The following CRAMP1 variants were observed in gnomAD, a reference collection of about 807,000 sequenced individuals.
CRAMP1 encodes cramped chromatin regulator 1.
A neutral mutation model predicts 115.4 loss-of-function variants in CRAMP1; 50 were observed. The observed-to-expected ratio is 0.43, with a 90% CI of 0.35 to 0.55. The LOEUF (loss-of-function observed/expected upper bound fraction) is 0.55. Among genes scored for constraint, CRAMP1 ranks in the 20% least tolerant of loss-of-function variants. The probability of loss-of-function intolerance (pLI) is 0.01; values close to 1 mark genes in which losing one functional copy is unlikely to be tolerated. For missense variants in CRAMP1, 1,679 were observed against 1,721.7 expected, an observed-to-expected ratio of 0.98 and a Z score of 0.44; for synonymous variants, 866 against 745.4, an observed-to-expected ratio of 1.16 and a Z score of -2.64.
chr16:1,667,284 G>A (rs2036883882), intron 16 of CRAMP1, 51 bp from the exon 17 acceptor site: 1 of 1,470,530 alleles, frequency 6.8e-7, no homozygotes, highest in Admixed American at 1.7e-5. Flanking sequence ...TGAGGGTATG[G>A]GTGGCATCTG....
At position 1,614,351 on chromosome 16, in the gene CRAMP1, C is replaced by T. The variant is rs1440739705; in HGVS notation, c.-1-288C>T. Among the ~76,000 whole-genome samples the T allele has an allele frequency of 7.8e-6, 1 of 129,012 alleles. No individual in the cohort carries two copies. Among genetic ancestry groups the T allele is most frequent in the Non-Finnish European group, 1.7e-5 (1 of 59,078 alleles). 84.6% of individuals were successfully genotyped at this position (129,012 alleles called of 152,430 possible). A position where few individuals can be genotyped will look rare whatever the true frequency, so the allele number is the denominator to read the frequency against. On this transcript the variant is annotated intron_variant, in intron 1 of 20. Coordinates refer to ENST00000397412, the MANE Select transcript of CRAMP1 (RefSeq NM_020825.4). The surrounding 1 kb of genome is among the most constrained non-coding windows in gnomAD (Gnocchi z 4.4). ...GGGGCCGGGGCCGGGCAGGGTCCGC[C>T]GAGCTGTCGCGCCCTCCCGCCGCCG... is the stretch of plus-strand genomic sequence containing the variant.
At chr16:1,655,850 T>C (rs1274754814) in intron 9 of CRAMP1, 27 bp from the exon 10 acceptor site, 12 of 1,588,314 alleles carry the variant, frequency 7.6e-6, no homozygotes, top group South Asian at 1.2e-5. Context: ...TGCTAGCCAG[T>C]GTGGGCCTTC....
chr16:1,617,127 A>G (rs1242326747), intron 2 of CRAMP1, among the ~76,000 whole-genome samples: 3 of 152,212 alleles, frequency 2.0e-5, no homozygotes, highest in Non-Finnish European at 4.4e-5. Flanking sequence ...CCTGGCCACA[A>G]GCAAATATAT....
intron 2 of CRAMP1, among the ~76,000 whole-genome samples, chr16:1,615,439 C>A (rs2036410773): frequency 1.3e-5 from 2 of 152,116 alleles, no homozygotes; most frequent in South Asian, 4.1e-4. Flanking sequence ...AGAAAGGATC[C>A]TTGGGGTCTG....
chr16:1,624,275 G>A (rs1367902677), intron 2 of CRAMP1, among the ~76,000 whole-genome samples: 2 of 151,818 alleles, frequency 1.3e-5, no homozygotes, highest in African/African-American at 4.8e-5. Flanking sequence ...CACCGGGTGA[G>A]GCACTGAGCC....
At position 1,662,559 on chromosome 16, in the gene CRAMP1, G is replaced by T. The variant is rs747335674; in HGVS notation, c.2483G>T (p.Gly828Val). The T allele has an allele frequency of 1.9e-5, 31 of 1,613,960 alleles. No homozygotes were observed. Among genetic ancestry groups the T allele is most frequent in the Non-Finnish European group, 1.0e-5 (12 of 1,179,862 alleles). Residue 828 changes from glycine (G) to valine (V), a missense_variant, in exon 12 of 21, where the codon GGA becomes GTA. This residue lies in a region of CRAMP1 where 709 missense variants were observed against 741.9 expected (regional missense o/e 0.96). Transcript: ENST00000397412. ...AGCACAGGAAGCAATGACTCAGATG[G>T]AGGCCTTTTTGCTGTCCCGACAACC... is the stretch of plus-strand genomic sequence containing the variant. ...PSSTGSNDSDGGLFAVPTTLP... is the reference protein window; with the variant it reads ...PSSTGSNDSDVGLFAVPTTLP...
In CRAMP1 at chr16:1,668,231, A is replaced by G. The variant is rs771579905; in HGVS notation, c.3334+38A>G. ...CGGCCTCACAGCCCTTCCTGTCATC[A>G]GGTGTTGATCTCCTGCCCCAATGTT... On this transcript the variant is annotated intron_variant, in intron 18 of 20. Transcript: ENST00000397412. The G allele has an allele frequency of 1.5e-5, 22 of 1,430,730 alleles. No homozygotes were observed. In the South Asian group the frequency reaches 2.2e-4, roughly 14 times the overall value. The allele number at this position is 1,430,730 out of a possible 1,614,324, so 88.6% of individuals were successfully genotyped here.
intron 3 of CRAMP1, 56 bp downstream of exon 3, chr16:1,626,222 G>C (rs2036507160): frequency 5.0e-6 from 7 of 1,394,544 alleles, no homozygotes; most frequent in Non-Finnish European, 6.7e-6. Flanking sequence ...TCGGATCCCT[G>C]CCCTCCGTTC....
rs1480246508 is a variant in CRAMP1 at position 1,666,926 on chromosome 16, C to T, written c.3036+326C>T. Among the ~76,000 whole-genome samples the T allele has an allele frequency of 6.6e-6, 1 of 152,244 alleles. No individual in the cohort carries two copies. Among genetic ancestry groups the T allele is most frequent in the Non-Finnish European group, 1.5e-5 (1 of 68,038 alleles). On this transcript the variant is annotated intron_variant, in intron 16 of 20. Transcript: ENST00000397412. This position sits in a 1 kb window ranked among gnomAD's most constrained non-coding sequence, Gnocchi z 5.0. ...CTCGGACACCACTGAGCATCTCTTT[C>T]ATCTGGGAAGAGAGCAGCCTGTATG...
chr16:1,616,173 A>G (rs2036417429), intron 2 of CRAMP1, among the ~76,000 whole-genome samples: 1 of 152,244 alleles, frequency 6.6e-6, no homozygotes, highest in Non-Finnish European at 1.5e-5. Flanking sequence ...TTTTGATGTG[A>G]AAGTTGCTGA....
intron 4 of CRAMP1, 93 bp from the exon 5 acceptor site, chr16:1,637,731 A>G: frequency 1.9e-6 from 1 of 536,730 alleles, no homozygotes. Context: ...AGGAGATCCA[A>G]GAAACCACGT....
rs2036958232 is a variant in CRAMP1 at position 1,675,286 on chromosome 16, CAT to C, written c.*1242_*1243del. On this transcript the variant is annotated 3_prime_UTR_variant, in exon 21 of 21. Coordinates refer to ENST00000397412, the MANE Select transcript of CRAMP1 (RefSeq NM_020825.4). ...TTCTCATCCTCAGGAGTTCCAGGCA[CAT>C]GAGTCACCGTCCATCCACATCCAGT... 1 of 152,348 alleles carries C rather than the reference CAT, an allele frequency of 6.6e-6. No homozygotes were observed. Among genetic ancestry groups the C allele is most frequent in the Admixed American group, 6.5e-5 (1 of 15,288 alleles). 9.4% of individuals were successfully genotyped at this position (152,348 alleles called of 1,614,324 possible). A position where few individuals can be genotyped will look rare whatever the true frequency, so the allele number is the denominator to read the frequency against.
intron 17 of CRAMP1, among the ~76,000 whole-genome samples, 157 bp from the exon 18 acceptor site, chr16:1,667,805 T>TC (rs2036888882): frequency 6.6e-6 from 1 of 152,108 alleles, no homozygotes; most frequent in Non-Finnish European, 1.5e-5. Flanking sequence ...AGAAATAAAT[T>TC]CCCCGAGTGT....
intron 2 of CRAMP1, 159 bp from the exon 3 acceptor site, chr16:1,625,813 GC>G: frequency 1.6e-6 from 1 of 619,358 alleles, no homozygotes; most frequent in Non-Finnish European, 2.7e-6. Flanking sequence ...AAGCAGCCTC[GC>G]TGGTGCCGTG....
chr16:1,640,573 T>A (rs537656115), intron 5 of CRAMP1, among the ~76,000 whole-genome samples: 2 of 152,340 alleles, frequency 1.3e-5, no homozygotes, highest in East Asian at 3.9e-4. Flanking sequence ...GTAGCTGCTT[T>A]CTTGCACATC....
chr16:1,660,050 A>G lies in CRAMP1; in HGVS notation c.2400A>G (p.Ala800=), dbSNP rs557124584. ...GCAAGACCTTCCCGCCCAGCTCTGCACCCTGCTCCTCAGGTGAGGCTGTGG... is the reference window on the plus strand; with the variant it reads ...GCAAGACCTTCCCGCCCAGCTCTGCGCCCTGCTCCTCAGGTGAGGCTGTGG... The part of the protein sequence containing the change: ...RSSKTFPPSS[A]PCSSGLRNPP... Residue 800 remains alanine (A), a synonymous_variant, in exon 11 of 21, where the codon GCA becomes GCG. Transcript: ENST00000397412. The G allele has an allele frequency of 6.3e-7, 1 of 1,582,172 alleles. No individual in the cohort carries two copies. Among genetic ancestry groups the G allele is most frequent in the Non-Finnish European group, 8.5e-7 (1 of 1,172,106 alleles).
At chr16:1,639,502 C>T (rs766918155) in intron 5 of CRAMP1, among the ~76,000 whole-genome samples, 4 of 151,698 alleles carry the variant, frequency 2.6e-5, no homozygotes, top group Non-Finnish European at 5.9e-5. Flanking sequence ...AGGTTACACT[C>T]TATGCAAGCA....
Position 1,672,039 on chromosome 16 carries a change from A to G in CRAMP1, c.3645+1230A>G, listed in dbSNP as rs922479095. Among the ~76,000 whole-genome samples, 1 of 152,094 alleles carries G rather than the reference A, an allele frequency of 6.6e-6. No individual in the cohort carries two copies. Among genetic ancestry groups the G allele is most frequent in the African/African-American group, 2.4e-5 (1 of 41,412 alleles). On this transcript the variant is annotated intron_variant, in intron 20 of 20. Coordinates refer to ENST00000397412, the MANE Select transcript of CRAMP1 (RefSeq NM_020825.4). This position sits in a 1 kb window ranked among gnomAD's most constrained non-coding sequence, Gnocchi z 4.9. ...TCTGTCTCTTCCCCTGTTTGTGCGC[A>G]TGTTCCTAAGTGCTGGGCTCTGTGG...
chr16:1,660,193 C>G (rs2036816715), intron 11 of CRAMP1, 130 bp downstream of exon 11: 1 of 726,772 alleles, frequency 1.4e-6, no homozygotes, highest in East Asian at 3.0e-5. Context: ...TCGCCACTAT[C>G]CAGATGACAG....
Sources: gnomAD v4.1 joint callset for allele counts (sites outside exome capture counted in the v4.1 genomes callset) on GRCh38, gnomAD v4.1.1 for gene constraint, gnomAD v4.1.1 regional missense constraint, Gnocchi (gnomAD v3.1) non-coding constraint, MANE v1.5 for transcripts, NCBI Gene and HGNC (gene_info 2026-07-23, HGNC 2026-07-21) for gene names.